DNM3: variants seen among roughly 807,000 people sequenced by gnomAD.
DNM3 encodes dynamin 3.
In DNM3, 47 loss-of-function variants were observed where a neutral mutation model predicts 101.6. That is an observed-to-expected ratio of 0.46 (90% CI 0.37 to 0.59). The LOEUF is 0.59. Ranked by LOEUF, DNM3 falls within the 20% of genes least tolerant of loss-of-function variation. The pLI, the probability that DNM3 is intolerant of heterozygous loss-of-function variation, is 0.00. For synonymous variants in DNM3, 385 were observed against 387.9 expected (o/e 0.99, Z 0.09); for missense variants, 849 against 1,085.7 (o/e 0.78, Z 3.06).
At chr1:171,852,883 T>TTTTGTTTG (rs147720795) in intron 1 of DNM3, among the ~76,000 whole-genome samples, 51 of 151,940 alleles carry the variant, frequency 3.4e-4, no homozygotes, top group African/African-American at 8.2e-4. Context: ...TTTGAAGGTT[T>TTTTGTTTG]TTTGTTTGTT....
At chr1:172,201,220 C>T (rs1222286050) in intron 14 of DNM3, among the ~76,000 whole-genome samples, 1 of 152,138 alleles carries the variant, frequency 6.6e-6, no homozygotes, top group African/African-American at 2.4e-5. Flanking sequence ...GACTCTTGCT[C>T]AGTCATGTGG....
intron 17 of DNM3, among the ~76,000 whole-genome samples, chr1:172,348,075 C>A (rs924006863): frequency 6.6e-6 from 1 of 152,012 alleles, no homozygotes; most frequent in Non-Finnish European, 1.5e-5. Context: ...TAATTATTCT[C>A]ACTGATAGTT....
chr1:172,155,411 TG>T (rs1466145238), intron 14 of DNM3, among the ~76,000 whole-genome samples: 2 of 152,118 alleles, frequency 1.3e-5, no homozygotes, highest in Non-Finnish European at 2.9e-5. Flanking sequence ...TCCTGCTTTA[TG>T]GTGGAGAAAA....
At position 172,030,980 on chromosome 1, in the gene DNM3, G is replaced by A. The variant is rs191046873; in HGVS notation, c.590-1422G>A. Among the ~76,000 whole-genome samples the A allele has an allele frequency of 4.7e-4, 72 of 152,194 alleles. 1 individual carries two copies. The highest frequency in any genetic ancestry group is 4.6e-3 in the South Asian group (22 of 4,832). On this transcript the variant is annotated intron_variant, in intron 4 of 20. Transcript: ENST00000627582. ...GAGTGTAAATTAGTTCAACCATTGC[G>A]GAAGACAGTATGGGAATCCCTCAAG...
intron 2 of DNM3, among the ~76,000 whole-genome samples, chr1:171,927,032 GGT>G (rs1450289822): frequency 6.6e-6 from 1 of 151,998 alleles, no homozygotes; most frequent in Non-Finnish European, 1.5e-5. Context: ...AACATTGTAC[GGT>G]AGGTTCTAAC....
At chr1:172,297,907 CT>C (rs1212855158) in intron 15 of DNM3, among the ~76,000 whole-genome samples, 1 of 151,310 alleles carries the variant, frequency 6.6e-6, no homozygotes, top group Non-Finnish European at 1.5e-5. Flanking sequence ...TGTTTTTCTC[CT>C]TCTATCTTCC....
chr1:172,045,475 T>G (rs912758636), intron 9 of DNM3, among the ~76,000 whole-genome samples: 1 of 151,976 alleles, frequency 6.6e-6, no homozygotes, highest in Non-Finnish European at 1.5e-5. Context: ...AGGGCACTAA[T>G]CCCATTCATG....
At chr1:172,375,377 C>T (rs1277987504) in intron 17 of DNM3, among the ~76,000 whole-genome samples, 1 of 152,012 alleles carries the variant, frequency 6.6e-6, no homozygotes, top group African/African-American at 2.4e-5. Flanking sequence ...ATCATCAACA[C>T]TATCTTAACC....
At chr1:171,884,333 C>A (rs1443216196) in intron 1 of DNM3, among the ~76,000 whole-genome samples, 1 of 152,150 alleles carries the variant, frequency 6.6e-6, no homozygotes. Context: ...TGAACTTTTT[C>A]CTGACACTCC....
chr1:172,213,793 A>C (rs1317596009), intron 14 of DNM3, among the ~76,000 whole-genome samples: 4 of 151,206 alleles, frequency 2.6e-5, no homozygotes, highest in Non-Finnish European at 5.9e-5. Flanking sequence ...ATGTCACTGC[A>C]CTCCAGCCTG....
chr1:172,302,006 C>T (rs184815666), intron 15 of DNM3, among the ~76,000 whole-genome samples: 1 of 152,172 alleles, frequency 6.6e-6, no homozygotes, highest in South Asian at 2.1e-4. Flanking sequence ...ACTGAGGTAC[C>T]TGGTTTATCT....
intron 14 of DNM3, among the ~76,000 whole-genome samples, chr1:172,251,999 G>T (rs1382184275): frequency 1.3e-5 from 2 of 152,174 alleles, no homozygotes; most frequent in East Asian, 3.9e-4. Context: ...ATTAAATTAT[G>T]TATTTGCTGT....
rs117321358 is a variant in DNM3, at chr1:172,331,556, C to T, written c.1893+8216C>T. 1.2e-3 allele frequency among the ~76,000 whole-genome samples: 180 copies of T among 152,234 alleles called. No homozygotes were observed. In the East Asian group the frequency reaches 0.03, roughly 26 times the overall value. ...TTCTTTTGATTTCAGCCATGAGCAGCACTTAATATACGTTTGCTAGGCACC... is the reference window on the plus strand; with the variant it reads ...TTCTTTTGATTTCAGCCATGAGCAGTACTTAATATACGTTTGCTAGGCACC... On this transcript the variant is annotated intron_variant, in intron 17 of 20. Coordinates refer to ENST00000627582, the MANE Select transcript of DNM3 (RefSeq NM_015569.5).
At chr1:172,143,524 TC>T (rs754159821) in intron 14 of DNM3, among the ~76,000 whole-genome samples, 13 of 151,122 alleles carry the variant, frequency 8.6e-5, no homozygotes, top group Non-Finnish European at 1.6e-4. Flanking sequence ...CCTCCCCCTC[TC>T]CCACCCTCTT....
chr1:172,144,205 T>G lies in DNM3; in HGVS notation c.1659+12917T>G, dbSNP rs975918695. ...TCAGAAATAAAAAAAAAAAAAACAG[T>G]AAATCGCTATATACCACACACTTTT... On this transcript the variant is annotated intron_variant, in intron 14 of 20. Coordinates refer to ENST00000627582, the MANE Select transcript of DNM3 (RefSeq NM_015569.5). 2.1e-4 allele frequency among the ~76,000 whole-genome samples: 31 copies of G among 149,356 alleles called. 1 individual carries two copies. The East Asian group carries it at 4.9e-3, about 23-fold the overall frequency.
Position 172,112,059 on chromosome 1 carries a change from A to G in DNM3, c.1546-19116A>G, listed in dbSNP as rs1346162015. ...CATAATAATAGCTATAATTTATTGC[A>G]TGGGTGTTTTATATCAGGCAGTGTG... On this transcript the variant is annotated intron_variant, in intron 13 of 20. Transcript: ENST00000627582. Among the ~76,000 whole-genome samples the G allele has an allele frequency of 1.3e-5, 2 of 152,196 alleles. 1 individual carries two copies.
At chr1:172,145,104 A>G (rs564995315) in intron 14 of DNM3, among the ~76,000 whole-genome samples, 79 of 152,276 alleles carry the variant, frequency 5.2e-4, no homozygotes, top group African/African-American at 1.8e-3. Flanking sequence ...GCTGTGGCCA[A>G]CTGAAAGTGA....
At chr1:172,348,947 C>T (rs1044385349) in intron 17 of DNM3, among the ~76,000 whole-genome samples, 2 of 152,150 alleles carry the variant, frequency 1.3e-5, no homozygotes, top group Non-Finnish European at 2.9e-5. Context: ...CCTGACCCAT[C>T]GTCTTCCCAG....
intron 1 of DNM3, 105 bp from the exon 2 acceptor site, chr1:171,921,643 A>G (rs1049315877): frequency 8.0e-6 from 7 of 879,512 alleles, no homozygotes; most frequent in Non-Finnish European, 1.3e-5. Flanking sequence ...TAAGCGATAC[A>G]TTGAAAGGTT....
Sources: allele counts gnomAD v4.1 joint callset (sites outside exome capture counted in the v4.1 genomes callset), GRCh38; gene constraint gnomAD v4.1.1; transcripts MANE v1.5; gene names NCBI Gene and HGNC (gene_info 2026-07-23, HGNC 2026-07-21).